Variants in GRIK4 observed in about 807,000 individuals in gnomAD.
The protein encoded by GRIK4 is glutamate receptor ionotropic, kainate 4.
A neutral mutation model predicts 104.9 loss-of-function variants in GRIK4; 40 were observed. The ratio of observed to expected loss-of-function variants is 0.38; its 90% CI spans 0.30 to 0.50. The LOEUF is 0.50. Ranked by LOEUF, GRIK4 falls within the 20% of genes least tolerant of loss-of-function variation. The probability of loss-of-function intolerance (pLI) is 0.93; values close to 1 mark genes in which losing one functional copy is unlikely to be tolerated. For synonymous variants in GRIK4, 485 were observed against 524.9 expected (o/e 0.92, Z 1.04); for missense variants, 1,047 against 1,308.1 (o/e 0.80, Z 3.08).
At chr11:120,862,541 G>A (rs1954289782) in intron 9 of GRIK4, among the ~76,000 whole-genome samples, 1 of 152,140 alleles carries the variant, frequency 6.6e-6, no homozygotes, top group African/African-American at 2.4e-5. Context: ...CTTGTTCAAG[G>A]GCAAACATCG....
intron 3 of GRIK4, among the ~76,000 whole-genome samples, chr11:120,687,433 T>C (rs1241827724): frequency 6.6e-6 from 1 of 152,230 alleles, no homozygotes; most frequent in African/African-American, 2.4e-5. Flanking sequence ...CTATTTTTTG[T>C]ATTTTCTTTC....
In GRIK4 at chr11:120,582,757, G is replaced by A. The variant is rs561542051; in HGVS notation, c.-159+70870G>A. The stretch of plus-strand genomic sequence containing the variant: ...CCACATTTTCTTTATCCAGTCTACC[G>A]TTGATGGGCATTTAGGTTGATTCCA... On this transcript the variant is annotated intron_variant, in intron 1 of 20. Coordinates refer to ENST00000527524, the MANE Select transcript of GRIK4 (RefSeq NM_014619.5). 7.2e-5 allele frequency among the ~76,000 whole-genome samples: 11 copies of A among 152,188 alleles called. No individual in the cohort carries two copies. The East Asian group carries it at 1.5e-3, about 21-fold the overall frequency.
At chr11:120,792,122 G>T (rs1005360985) in intron 3 of GRIK4, among the ~76,000 whole-genome samples, 1 of 152,152 alleles carries the variant, frequency 6.6e-6, no homozygotes, top group African/African-American at 2.4e-5. Context: ...CAGCCTCTGC[G>T]TTCAGGGAAG....
intron 1 of GRIK4, among the ~76,000 whole-genome samples, chr11:120,572,819 G>A (rs964480995): frequency 1.3e-5 from 2 of 152,016 alleles, no homozygotes; most frequent in Non-Finnish European, 2.9e-5. Flanking sequence ...TTTCATTTCC[G>A]CTGTTCCCTT....
chr11:120,750,939 G>A (rs1951538063), intron 3 of GRIK4, among the ~76,000 whole-genome samples: 1 of 152,162 alleles, frequency 6.6e-6, no homozygotes, highest in South Asian at 2.1e-4. Flanking sequence ...GTTGTGTCAG[G>A]ATTTGAACCC....
chr11:120,756,037 C>T (rs886095400), intron 3 of GRIK4, among the ~76,000 whole-genome samples: 131 of 152,286 alleles, frequency 8.6e-4, no homozygotes, highest in African/African-American at 3.0e-3. Flanking sequence ...GGACTCCAGA[C>T]CTGACTGGAT....
chr11:120,934,204 CAAAA>C (rs35705174), intron 13 of GRIK4, among the ~76,000 whole-genome samples: 1 of 54,242 alleles, frequency 1.8e-5, no homozygotes, highest in East Asian at 4.3e-4. Flanking sequence ...GACTCCGTCT[CAAAA>C]AAAAAAAAAA....
Position 120,856,889 on chromosome 11 carries a change from G to A in GRIK4, c.745-5070G>A, listed in dbSNP as rs577744914. On this transcript the variant is annotated intron_variant, in intron 8 of 20. Transcript: ENST00000527524. ...GGATTGACTAAATCCCACCCCCAGT[G>A]ATGGGACTTGCCTGCTTAGCCCAGC... Among the ~76,000 whole-genome samples the A allele has an allele frequency of 1.4e-3, 206 of 152,276 alleles. 1 individual carries two copies. Among genetic ancestry groups the A allele is most frequent in the Non-Finnish European group, 2.6e-3 (176 of 68,018 alleles).
chr11:120,898,706 C>A, intron 12 of GRIK4, 67 bp downstream of exon 12: 1 of 841,246 alleles, frequency 1.2e-6, no homozygotes, highest in East Asian at 2.5e-5. Flanking sequence ...TGAGCACTCA[C>A]AGGCTGCCCC....
chr11:120,732,114 T>TTTTTG (rs749161911), intron 3 of GRIK4, among the ~76,000 whole-genome samples: 2 of 152,058 alleles, frequency 1.3e-5, no homozygotes, highest in African/African-American at 2.4e-5. Context: ...CTAGTTCTTG[T>TTTTTG]TTTTGTTTTG....
chr11:120,903,414 T>C lies in GRIK4; in HGVS notation c.1273-1876T>C, dbSNP rs1942792755. 6.6e-6 allele frequency among the ~76,000 whole-genome samples: 1 copy of C among 151,848 alleles called. No individual in the cohort carries two copies. The highest frequency in any genetic ancestry group is 2.4e-5 in the African/African-American group (1 of 41,330). ...TCTCTGTGAACCCACCCATACCCTCTACCTCACCTCCAGGCTCAGGCCTCA... is the reference window on the plus strand; with the variant it reads ...TCTCTGTGAACCCACCCATACCCTCCACCTCACCTCCAGGCTCAGGCCTCA... On this transcript the variant is annotated intron_variant, in intron 12 of 20. Coordinates refer to ENST00000527524, the MANE Select transcript of GRIK4 (RefSeq NM_014619.5). The surrounding 1 kb of genome is among the most constrained non-coding windows in gnomAD (Gnocchi z 4.4).
At chr11:120,516,493 A>G (rs1444922829) in intron 1 of GRIK4, among the ~76,000 whole-genome samples, 2 of 152,008 alleles carry the variant, frequency 1.3e-5, no homozygotes, top group Non-Finnish European at 2.9e-5. Context: ...TTGTCACGGT[A>G]GACGGGGTGG....
chr11:120,831,733 GGGGC>G, intron 6 of GRIK4, 115 bp from the exon 7 acceptor site: 30 of 684,206 alleles, frequency 4.4e-5, no homozygotes, highest in Admixed American at 9.5e-5. Flanking sequence ...TGCTGTCAGT[GGGGC>G]CAGACCCCCC....
At chr11:120,733,240 C>T (rs1446655137) in intron 3 of GRIK4, among the ~76,000 whole-genome samples, 1 of 152,158 alleles carries the variant, frequency 6.6e-6, no homozygotes, top group African/African-American at 2.4e-5. Context: ...TTGTAGGCAA[C>T]AGATTATGTG....
intron 4 of GRIK4, among the ~76,000 whole-genome samples, chr11:120,811,365 C>G (rs554926621): frequency 6.6e-6 from 1 of 152,204 alleles, no homozygotes; most frequent in East Asian, 1.9e-4. Flanking sequence ...AGTTAATTGC[C>G]ATTTGCTGGG....
At position 120,624,929 on chromosome 11, in the gene GRIK4, G is replaced by A. The variant is rs76010929; in HGVS notation, c.-158-28756G>A. Among the ~76,000 whole-genome samples the A allele has an allele frequency of 3.2e-3, 492 of 152,284 alleles. 1 individual carries two copies. The highest frequency in any genetic ancestry group is 5.6e-3 in the Non-Finnish European group (381 of 68,034). ...AAGAGAGACCTAGAGAAGATGAAAC[G>A]CACCTGGTATGAAAATTATAGACTA... On this transcript the variant is annotated intron_variant, in intron 1 of 20. Coordinates refer to ENST00000527524, the MANE Select transcript of GRIK4 (RefSeq NM_014619.5).
chr11:120,824,261 C>G (rs1182043680), intron 6 of GRIK4, among the ~76,000 whole-genome samples: 1 of 152,112 alleles, frequency 6.6e-6, no homozygotes, highest in Non-Finnish European at 1.5e-5. Flanking sequence ...TTGCAAGTGC[C>G]TGTTTCTGAT....
intron 1 of GRIK4, among the ~76,000 whole-genome samples, chr11:120,566,694 T>A (rs1428107343): frequency 6.6e-6 from 1 of 150,804 alleles, no homozygotes; most frequent in Non-Finnish European, 1.5e-5. Flanking sequence ...TTTTTTCTTG[T>A]TTATACCCTC....
intron 6 of GRIK4, among the ~76,000 whole-genome samples, chr11:120,823,329 A>C (rs554332613): frequency 6.6e-6 from 1 of 152,338 alleles, no homozygotes; most frequent in African/African-American, 2.4e-5. Context: ...CACACTAAGC[A>C]CTATGCTAAT....
Sources: allele counts gnomAD v4.1 joint callset (sites outside exome capture counted in the v4.1 genomes callset), GRCh38; gene constraint gnomAD v4.1.1; non-coding constraint Gnocchi (gnomAD v3.1); transcripts MANE v1.5; gene names NCBI Gene and HGNC (gene_info 2026-07-23, HGNC 2026-07-21).